IMPG1: variants seen among roughly 807,000 people sequenced by gnomAD.
The protein encoded by IMPG1 is interphotoreceptor matrix proteoglycan 1, also known as interphotoreceptor matrix proteoglycan of 150 kDa.
In IMPG1, 85 loss-of-function variants were observed where a neutral mutation model predicts 92.0. That is an observed-to-expected ratio of 0.92 (90% confidence interval 0.78 to 1.11). The LOEUF is 1.11. IMPG1 is among the 50% of genes least tolerant of loss of function. The pLI is 0.00. For synonymous variants in IMPG1, 367 were observed against 334.1 expected, an observed-to-expected ratio of 1.10 and a Z score of -1.08; for missense variants, 1,022 against 956.0, an observed-to-expected ratio of 1.07 and a Z score of -0.91.
chr6:75,991,646 AT>A lies in IMPG1; in HGVS notation c.1291+11271del, dbSNP rs539768647. Among the ~76,000 whole-genome samples, 486 of 152,272 alleles carry A rather than the reference AT, an allele frequency of 3.2e-3. 2 individuals are homozygous for A. The highest frequency in any genetic ancestry group is 0.011 in the African/African-American group (455 of 41,548). On this transcript the variant is annotated intron_variant, in intron 12 of 16. Transcript: ENST00000369950. ...ACCTTCTCTCTATTCTCTTTCCATT[AT>A]TGAGTGCATATTTCCTGTCCTCTCT...
intron 4 of IMPG1, among the ~76,000 whole-genome samples, chr6:76,026,125 C>T (rs182141081): frequency 6.6e-6 from 1 of 151,606 alleles, no homozygotes; most frequent in African/African-American, 2.4e-5. Context: ...GCGGGAAGCA[C>T]TCTAGCAGGG....
intron 14 of IMPG1, among the ~76,000 whole-genome samples, chr6:75,939,003 C>A (rs1781794887): frequency 6.6e-6 from 1 of 151,988 alleles, no homozygotes; most frequent in Admixed American, 6.6e-5. Flanking sequence ...ACCCAGCTAA[C>A]TTTTGCTTTG....
intron 14 of IMPG1, among the ~76,000 whole-genome samples, chr6:75,939,799 G>A (rs1053635775): frequency 6.6e-6 from 1 of 152,132 alleles, no homozygotes; most frequent in Non-Finnish European, 1.5e-5. Context: ...CTTTCTCCCT[G>A]TCTCTGTGGA....
At chr6:75,982,621 G>GTA (rs971178169) in intron 12 of IMPG1, among the ~76,000 whole-genome samples, 3 of 149,720 alleles carry the variant, frequency 2.0e-5, no homozygotes, top group South Asian at 2.1e-4. Context: ...ATATGTGTGT[G>GTA]TATATATATA....
At chr6:75,927,667 G>T (rs1328234694) in intron 15 of IMPG1, among the ~76,000 whole-genome samples, 1 of 151,896 alleles carries the variant, frequency 6.6e-6, no homozygotes, top group Non-Finnish European at 1.5e-5. Context: ...GGGCAAAATT[G>T]GGGTAATAAG....
intron 12 of IMPG1, among the ~76,000 whole-genome samples, chr6:75,977,376 T>C (rs1483379578): frequency 1.3e-5 from 2 of 151,972 alleles, no homozygotes; most frequent in East Asian, 1.9e-4. Flanking sequence ...TCAATTGAGA[T>C]TGGGAGTTCG....
At chr6:76,061,207 A>T (rs1582137359) in intron 1 of IMPG1, among the ~76,000 whole-genome samples, 1 of 152,180 alleles carries the variant, frequency 6.6e-6, no homozygotes, top group Non-Finnish European at 1.5e-5. Flanking sequence ...GCAAATATAT[A>T]ATCTAATAAA....
At position 76,005,725 on chromosome 6, in the gene IMPG1, CT is replaced by C. The variant is rs371863748; in HGVS notation, c.888-192del. On this transcript the variant is annotated intron_variant, in intron 9 of 16. Transcript: ENST00000369950. ...AAATATGAAAAAAGAATAAATATAT[CT>C]TTTAGTTCTAAAATAGAATGGCAGG... 4.5e-4 allele frequency among the ~76,000 whole-genome samples: 69 copies of C among 152,076 alleles called. No homozygotes were observed. The East Asian group carries it at 0.011, about 24-fold the overall frequency.
intron 5 of IMPG1, 132 bp downstream of exon 5, chr6:76,025,062 T>C (rs750710448): frequency 1.5e-6 from 1 of 663,770 alleles, no homozygotes; most frequent in African/African-American, 1.8e-5. Flanking sequence ...GTTATAAAGT[T>C]AGAAATATAA....
At chr6:76,051,989 A>C (rs1440098337) in intron 1 of IMPG1, among the ~76,000 whole-genome samples, 1 of 152,126 alleles carries the variant, frequency 6.6e-6, no homozygotes, top group African/African-American at 2.4e-5. Context: ...ACAAGAAAAA[A>C]AAAAAGAAAG....
At chr6:76,061,098 G>A (rs938776114) in intron 1 of IMPG1, among the ~76,000 whole-genome samples, 11 of 152,082 alleles carry the variant, frequency 7.2e-5, no homozygotes, top group East Asian at 1.9e-4. Flanking sequence ...AAAGTAGTAG[G>A]TCATTTCAGC....
chr6:75,950,511 A>G (rs754045730), intron 13 of IMPG1, 51 bp downstream of exon 13: 19 of 1,441,982 alleles, frequency 1.3e-5, no homozygotes, highest in Non-Finnish European at 1.7e-5. Context: ...TAAAATAACA[A>G]CAAAGAAAGA....
chr6:75,930,522 C>T (rs1781645874), intron 15 of IMPG1, among the ~76,000 whole-genome samples: 2 of 152,038 alleles, frequency 1.3e-5, no homozygotes, highest in South Asian at 4.1e-4. Context: ...TCTATATTTC[C>T]CAGCTTTCTT....
At chr6:75,984,163 C>G (rs539865093) in intron 12 of IMPG1, among the ~76,000 whole-genome samples, 3 of 152,200 alleles carry the variant, frequency 2.0e-5, no homozygotes, top group Non-Finnish European at 4.4e-5. Flanking sequence ...TACAGAAGTT[C>G]CACAAAAAAT....
At chr6:75,981,185 T>C (rs1266033877) in intron 12 of IMPG1, among the ~76,000 whole-genome samples, 1 of 152,234 alleles carries the variant, frequency 6.6e-6, no homozygotes, top group African/African-American at 2.4e-5. Context: ...ATAGATAGTC[T>C]GCTGGTAAAG....
At chr6:76,062,799 T>C (rs1474453014) in intron 1 of IMPG1, among the ~76,000 whole-genome samples, 4 of 151,418 alleles carry the variant, frequency 2.6e-5, no homozygotes, top group Non-Finnish European at 5.9e-5. Flanking sequence ...TATTCACAGA[T>C]CTAACACATC....
chr6:75,987,869 G>A (rs1782744807), intron 12 of IMPG1, among the ~76,000 whole-genome samples: 2 of 152,084 alleles, frequency 1.3e-5, no homozygotes, highest in Admixed American at 6.5e-5. Flanking sequence ...GGATGGTTTC[G>A]ATCTCCTGAC....
intron 12 of IMPG1, 129 bp from the exon 13 acceptor site, chr6:75,951,223 A>AT (rs11414729): frequency 0.23 from 129,118 of 571,638 alleles, 5,047 homozygotes; most frequent in Admixed American, 0.3. Context: ...TTCAATAGTC[A>AT]TTTTTTTTTT....
chr6:76,030,030 A>G (rs1008453733), intron 4 of IMPG1, among the ~76,000 whole-genome samples: 1 of 152,222 alleles, frequency 6.6e-6, no homozygotes, highest in East Asian at 1.9e-4. Flanking sequence ...AACGGAGGTT[A>G]AAAGGCACAG....
Sources: gnomAD v4.1 joint callset for allele counts (sites outside exome capture counted in the v4.1 genomes callset) on GRCh38, gnomAD v4.1.1 for gene constraint, MANE v1.5 for transcripts, NCBI Gene and HGNC (gene_info 2026-07-23, HGNC 2026-07-21) for gene names.